SLC16A7: variants seen among roughly 807,000 people sequenced by gnomAD.
SLC16A7 encodes the protein solute carrier family 16 member 7.
Under a neutral mutation model 34.9 loss-of-function variants are expected in SLC16A7, and 33 were observed. The ratio of observed to expected loss-of-function variants is 0.94; its 90% CI spans 0.72 to 1.26. The LOEUF is 1.26. Among genes scored for constraint, SLC16A7 ranks in the 50% most tolerant of loss-of-function variants. SLC16A7 has a pLI of 0.00. For synonymous variants in SLC16A7, 201 were observed against 206.6 expected (o/e 0.97, Z 0.23); for missense variants, 573 against 578.1 (o/e 0.99, Z 0.09).
At chr12:59,710,218 A>G (rs954947995) in intron 3 of SLC16A7, among the ~76,000 whole-genome samples, 3 of 152,170 alleles carry the variant, frequency 2.0e-5, no homozygotes, top group Non-Finnish European at 4.4e-5. Flanking sequence ...TTAGCAGTCA[A>G]CCTATTAATC....
At chr12:59,761,985 G>A (rs763149810) in intron 3 of SLC16A7, among the ~76,000 whole-genome samples, 19 of 152,022 alleles carry the variant, frequency 1.2e-4, no homozygotes, top group Non-Finnish European at 2.5e-4. Flanking sequence ...TACTCATTAT[G>A]CCAACTGTAT....
chr12:59,742,054 C>G (rs1218278206), intron 3 of SLC16A7, among the ~76,000 whole-genome samples: 1 of 152,168 alleles, frequency 6.6e-6, no homozygotes, highest in Non-Finnish European at 1.5e-5. Context: ...ACTTTATAGG[C>G]TGGCATCTTG....
intron 2 of SLC16A7, among the ~76,000 whole-genome samples, chr12:59,685,399 A>G (rs1456025909): frequency 2.0e-5 from 3 of 152,204 alleles, no homozygotes; most frequent in Non-Finnish European, 4.4e-5. Context: ...TGCCTCTTAC[A>G]TTAATGGGTT....
intron 1 of SLC16A7, among the ~76,000 whole-genome samples, chr12:59,629,178 C>T (rs1346332856): frequency 6.6e-6 from 1 of 151,790 alleles, no homozygotes; most frequent in Non-Finnish European, 1.5e-5. Context: ...TCATCACAAC[C>T]TCATCTAAAC....
intron 3 of SLC16A7, chr12:59,720,236 C>G: frequency 1.9e-6 from 1 of 513,876 alleles, no homozygotes; most frequent in Non-Finnish European, 3.4e-6. Flanking sequence ...TTATAGTTGA[C>G]TAAAATTTAT....
At chr12:59,661,532 T>A (rs1308059441) in intron 2 of SLC16A7, among the ~76,000 whole-genome samples, 1 of 152,108 alleles carries the variant, frequency 6.6e-6, no homozygotes, top group Non-Finnish European at 1.5e-5. Context: ...TAAAGCACTC[T>A]CTCTCTGAAC....
chr12:59,702,899 A>G (rs921708805), intron 2 of SLC16A7, among the ~76,000 whole-genome samples: 2 of 152,124 alleles, frequency 1.3e-5, no homozygotes, highest in Non-Finnish European at 2.9e-5. Context: ...AAATCCAGTC[A>G]CTGCTATTAC....
chr12:59,621,251 T>C (rs1318478420), intron 1 of SLC16A7, among the ~76,000 whole-genome samples: 1 of 151,890 alleles, frequency 6.6e-6, no homozygotes, highest in Non-Finnish European at 1.5e-5. Context: ...CCTGTGAGTA[T>C]TGTAGCACTG....
chr12:59,761,225 A>G (rs1424137738), intron 3 of SLC16A7: 1 of 992,276 alleles, frequency 1.0e-6, no homozygotes, highest in Non-Finnish European at 1.4e-6. Context: ...GTATTGTTAA[A>G]TACTTGGTTG....
intron 2 of SLC16A7, among the ~76,000 whole-genome samples, chr12:59,697,080 G>A (rs1056461291): frequency 6.6e-6 from 1 of 151,942 alleles, no homozygotes; most frequent in Non-Finnish European, 1.5e-5. Context: ...TGTAGCATCT[G>A]AGAAAATAGC....
chr12:59,775,897 C>T (rs1404913954), intron 5 of SLC16A7, among the ~76,000 whole-genome samples: 2 of 152,078 alleles, frequency 1.3e-5, no homozygotes, highest in Admixed American at 1.3e-4. Flanking sequence ...TAGTTGAGTA[C>T]ATTGGATATA....
chr12:59,642,136 T>C (rs1043170251), intron 1 of SLC16A7, among the ~76,000 whole-genome samples: 3 of 152,072 alleles, frequency 2.0e-5, no homozygotes, highest in African/African-American at 7.2e-5. Context: ...ACTGCATAGA[T>C]GATCTAACAA....
chr12:59,761,623 T>C (rs1465877346), intron 3 of SLC16A7, among the ~76,000 whole-genome samples: 1 of 152,152 alleles, frequency 6.6e-6, no homozygotes, highest in Non-Finnish European at 1.5e-5. Flanking sequence ...TCTAAAAATA[T>C]GTACCATGAG....
chr12:59,736,973 C>CA (rs1225083407), intron 3 of SLC16A7, among the ~76,000 whole-genome samples: 5 of 152,198 alleles, frequency 3.3e-5, no homozygotes, highest in Non-Finnish European at 7.3e-5. Context: ...TTATCCTAAG[C>CA]AAGCCCTGAG....
intron 1 of SLC16A7, among the ~76,000 whole-genome samples, chr12:59,614,014 A>G (rs1879322887): frequency 6.6e-6 from 1 of 151,612 alleles, no homozygotes; most frequent in African/African-American, 2.4e-5. Flanking sequence ...TCTGATCCTG[A>G]TGCAGCATGT....
At chr12:59,741,389 G>C (rs1417190801) in intron 3 of SLC16A7, among the ~76,000 whole-genome samples, 2 of 152,148 alleles carry the variant, frequency 1.3e-5, no homozygotes, top group African/African-American at 2.4e-5. Flanking sequence ...TTTCACAGCT[G>C]TCCTGGACAG....
At chr12:59,735,175 A>G (rs555561364) in intron 3 of SLC16A7, among the ~76,000 whole-genome samples, 2 of 152,334 alleles carry the variant, frequency 1.3e-5, no homozygotes, top group African/African-American at 4.8e-5. Flanking sequence ...TTTGAGATAT[A>G]TTTAACTTCT....
chr12:59,758,409 A>G (rs780710037), intron 3 of SLC16A7, among the ~76,000 whole-genome samples: 2 of 152,154 alleles, frequency 1.3e-5, no homozygotes, highest in Non-Finnish European at 2.9e-5. Context: ...TTACATTTAA[A>G]TGTTAAAACT....
intron 1 of SLC16A7, among the ~76,000 whole-genome samples, chr12:59,629,773 T>C (rs528245245): frequency 2.0e-4 from 30 of 151,982 alleles, no homozygotes; most frequent in Admixed American, 1.9e-3. Flanking sequence ...CCTATTGATA[T>C]TTAGCCTGTC....
Sources: allele counts gnomAD v4.1 joint callset (sites outside exome capture counted in the v4.1 genomes callset), GRCh38; gene constraint gnomAD v4.1.1; transcripts MANE v1.5; gene names NCBI Gene and HGNC (gene_info 2026-07-23, HGNC 2026-07-21).